CCDC171: variants seen among roughly 807,000 people sequenced by gnomAD.
CCDC171 encodes coiled-coil domain containing 171.
Under a neutral mutation model 168.2 loss-of-function variants are expected in CCDC171, and 177 were observed. The ratio of observed to expected loss-of-function variants is 1.05; its 90% CI spans 0.93 to 1.19. The LOEUF is 1.19. Among genes scored for constraint, CCDC171 ranks in the 50% most tolerant of loss-of-function variants. CCDC171 has a pLI of 0.00. For missense variants in CCDC171, 1,991 were observed against 1,539.0 expected (o/e 1.29, Z -4.91); for synonymous variants, 687 against 540.8 (o/e 1.27, Z -3.75).
intron 6 of CCDC171, among the ~76,000 whole-genome samples, chr9:15,621,856 A>C (rs942268199): frequency 6.6e-6 from 1 of 152,248 alleles, no homozygotes; most frequent in African/African-American, 2.4e-5. Flanking sequence ...CACTATTCAC[A>C]ATAGCAAAGA....
intron 25 of CCDC171, among the ~76,000 whole-genome samples, chr9:15,930,219 C>T (rs1826348184): frequency 6.6e-6 from 1 of 151,580 alleles, no homozygotes; most frequent in Non-Finnish European, 1.5e-5. Context: ...TTGCATAAAC[C>T]ATGATTCCCT....
At chr9:15,951,444 C>T (rs535897283) in intron 25 of CCDC171, among the ~76,000 whole-genome samples, 26 of 152,192 alleles carry the variant, frequency 1.7e-4, no homozygotes, top group Admixed American at 6.6e-5. Context: ...ACATTTCCAC[C>T]AACAGAGCAA....
At chr9:15,970,311 A>G (rs1175727250) in intron 25 of CCDC171, among the ~76,000 whole-genome samples, 1 of 152,200 alleles carries the variant, frequency 6.6e-6, no homozygotes, top group African/African-American at 2.4e-5. Context: ...ATGTAGCAAC[A>G]ATTTTGTATA....
rs1563912989 is a variant in CCDC171, at chr9:15,872,029, G to GA, written c.3469-2497dup. Among the ~76,000 whole-genome samples the GA allele has an allele frequency of 1.3e-5, 2 of 151,850 alleles. 1 individual carries two copies. Among genetic ancestry groups the GA allele is most frequent in the Admixed American group, 1.3e-4 (2 of 15,206 alleles). On this transcript the variant is annotated intron_variant, in intron 23 of 25. Transcript: ENST00000380701. ...AAAGTTCTCGTTTAATTTAAAAGTG[G>GA]AAAAAACTCTTAAAATTTTAGTAGA...
intron 21 of CCDC171, among the ~76,000 whole-genome samples, chr9:15,798,442 A>G (rs2058663087): frequency 6.6e-6 from 1 of 151,748 alleles, no homozygotes; most frequent in Admixed American, 6.6e-5. Context: ...GTTTTTTAAA[A>G]TTTTACTTTA....
intron 9 of CCDC171, among the ~76,000 whole-genome samples, chr9:15,667,635 G>C (rs1320267979): frequency 6.6e-6 from 1 of 152,100 alleles, no homozygotes; most frequent in East Asian, 1.9e-4. Context: ...AACAGAGGGA[G>C]ACTGCATCTC....
At chr9:15,570,518 T>A (rs2040140959) in intron 2 of CCDC171, among the ~76,000 whole-genome samples, 1 of 152,196 alleles carries the variant, frequency 6.6e-6, no homozygotes, top group African/African-American at 2.4e-5. Flanking sequence ...GATTGTTGGC[T>A]GTCTGCTTAT....
At chr9:15,706,964 C>T (rs1019037853) in intron 11 of CCDC171, among the ~76,000 whole-genome samples, 1 of 152,122 alleles carries the variant, frequency 6.6e-6, no homozygotes, top group Non-Finnish European at 1.5e-5. Context: ...GATTTTTCCT[C>T]CCCCCTTTCC....
At chr9:15,635,486 G>T (rs558128951) in intron 7 of CCDC171, among the ~76,000 whole-genome samples, 1 of 152,080 alleles carries the variant, frequency 6.6e-6, no homozygotes, top group Non-Finnish European at 1.5e-5. Flanking sequence ...ATGAAGGCTG[G>T]AACACTCAGC....
At chr9:15,709,989 A>G (rs567711659) in intron 11 of CCDC171, among the ~76,000 whole-genome samples, 1 of 152,308 alleles carries the variant, frequency 6.6e-6, no homozygotes, top group South Asian at 2.1e-4. Context: ...TATTGAAAGC[A>G]TATCCCAGCT....
At position 15,846,990 on chromosome 9, in the gene CCDC171, C is replaced by T. The variant is rs927216419; in HGVS notation, c.3413+143C>T. On this transcript the variant is annotated intron_variant, in intron 22 of 25. Coordinates refer to ENST00000380701, the MANE Select transcript of CCDC171 (RefSeq NM_173550.4). Reference sequence around the variant, plus strand: ...TTTCTTTGAAATTCTCTGATATATCCTCAAAAAAGAAAAACTCTTAACATA... The same window carrying T: ...TTTCTTTGAAATTCTCTGATATATCTTCAAAAAAGAAAAACTCTTAACATA... 12 of 637,196 alleles carry T rather than the reference C, an allele frequency of 1.9e-5. No homozygotes were observed. The Admixed American group carries it at 2.8e-4, about 15-fold the overall frequency. 39.5% of individuals were successfully genotyped at this position (637,196 alleles called of 1,614,324 possible).
intron 11 of CCDC171, among the ~76,000 whole-genome samples, chr9:15,702,598 G>C (rs1341349568): frequency 6.6e-6 from 1 of 152,050 alleles, no homozygotes; most frequent in Admixed American, 6.5e-5. Context: ...TTAAAGCCAG[G>C]CATTGACTTC....
chr9:15,837,530 T>C, intron 21 of CCDC171, among the ~76,000 whole-genome samples: 1 of 152,234 alleles, frequency 6.6e-6, no homozygotes, highest in African/African-American at 2.4e-5. Context: ...TATATATTTT[T>C]CAACTATTAC....
chr9:16,040,025 C>T (rs1168944723), upstream of CCDC171, among the ~76,000 whole-genome samples: 27 of 152,168 alleles, frequency 1.8e-4, no homozygotes, highest in Admixed American at 1.8e-3. Context: ...CTTTCAGAAT[C>T]TCAGTTTCAT....
chr9:15,662,767 G>A (rs2048412168), intron 8 of CCDC171, among the ~76,000 whole-genome samples: 2 of 152,048 alleles, frequency 1.3e-5, no homozygotes, highest in South Asian at 2.1e-4. Flanking sequence ...TTGGAGGTCA[G>A]GAGTTCGGGA....
At chr9:16,082,110 T>C in the CCDC171 span, among the ~76,000 whole-genome samples, 3 of 152,138 alleles carry the variant, frequency 2.0e-5, no homozygotes, top group African/African-American at 7.2e-5. Flanking sequence ...TATTTAGTTT[T>C]GGGGGGACTG....
intron 7 of CCDC171, among the ~76,000 whole-genome samples, chr9:16,035,731 C>T (rs1204731877): frequency 6.6e-6 from 1 of 152,182 alleles, no homozygotes; most frequent in Non-Finnish European, 1.5e-5. Flanking sequence ...GTGTTTCATT[C>T]TCCCCTTACT....
intron 11 of CCDC171, among the ~76,000 whole-genome samples, chr9:15,717,923 G>A (rs1014520796): frequency 1.3e-5 from 2 of 152,132 alleles, no homozygotes; most frequent in African/African-American, 2.4e-5. Context: ...TAGTGGCTAC[G>A]GCAAGAGATT....
intron 7 of CCDC171, among the ~76,000 whole-genome samples, chr9:15,630,574 A>G (rs2045592606): frequency 6.6e-6 from 1 of 152,182 alleles, no homozygotes; most frequent in Admixed American, 6.5e-5. Context: ...CACAATAATA[A>G]TGGGAGACTT....
Sources: allele counts gnomAD v4.1 joint callset (sites outside exome capture counted in the v4.1 genomes callset), GRCh38; gene constraint gnomAD v4.1.1; transcripts MANE v1.5; gene names NCBI Gene and HGNC (gene_info 2026-07-23, HGNC 2026-07-21).